Variants in AAK1 observed in about 807,000 individuals in gnomAD.
AAK1 encodes the protein AP2-associated protein kinase 1.
In AAK1, 37 loss-of-function variants were observed where a neutral mutation model predicts 116.0. That is an observed-to-expected ratio of 0.32 (90% CI 0.25 to 0.42). The LOEUF (loss-of-function observed/expected upper bound fraction) is 0.42. Among genes scored for constraint, AAK1 ranks in the 10% least tolerant of loss-of-function variants. The pLI is 1.00. For synonymous variants in AAK1, 458 were observed against 439.9 expected (o/e 1.04, Z -0.51); for missense variants, 919 against 1,170.6 (o/e 0.79, Z 3.14).
At position 69,465,657 on chromosome 2, in the gene AAK1, T is replaced by C. The variant is rs1388332641; in HGVS notation, c.*10212A>G. On this transcript the variant is annotated 3_prime_UTR_variant, in exon 22 of 22. Transcript: ENST00000409085. ...GGATAAGGACTGGGGGCGGAATGGT[T>C]TGCCAGCCATGGGGCCTGAGACAGC... is the stretch of plus-strand genomic sequence containing the variant. 1 of 1,290,936 alleles carries C rather than the reference T, an allele frequency of 7.7e-7. No homozygotes were observed. The highest frequency in any genetic ancestry group is 1.0e-6 in the Non-Finnish European group (1 of 988,874). 80.0% of individuals were successfully genotyped at this position (1,290,936 alleles called of 1,614,324 possible). A position where few individuals can be genotyped will look rare whatever the true frequency, so the allele number is the denominator to read the frequency against.
chr2:69,556,899 C>G lies in AAK1; in HGVS notation c.243G>C (p.Glu81Asp), dbSNP rs758501384. 5.0e-6 allele frequency: 8 copies of G among 1,613,824 alleles called. No homozygotes were observed. In the Admixed American group the frequency reaches 1.3e-4, roughly 27 times the overall value. ...CTCTCTTGCACACCTGGAGATCATG[C>G]TCATTGTTGACAAACATGCGTTTCA... ...CALKRMFVNNEHDLQVCKREI... is the reference protein window; with the variant it reads ...CALKRMFVNNDHDLQVCKREI... The change falls in exon 3 of 22, where the codon GAG (glutamate) becomes GAC (aspartate). Residue 81 changes from glutamate (E) to aspartate (D), a missense_variant. Physicochemically the swap from Glu to Asp is conservative, Grantham distance 45. This residue lies in a region of AAK1 where 317 missense variants were observed against 490.4 expected (regional missense o/e 0.65). Coordinates refer to ENST00000409085, the MANE Select transcript of AAK1 (RefSeq NM_014911.5).
At chr2:69,591,467 C>G (rs1208745276) in intron 2 of AAK1, among the ~76,000 whole-genome samples, 1 of 151,206 alleles carries the variant, frequency 6.6e-6, no homozygotes, top group Non-Finnish European at 1.5e-5. Flanking sequence ...TCACTTTATT[C>G]TAGAGCCAAC....
At chr2:69,618,474 C>T (rs1674438785) in intron 2 of AAK1, among the ~76,000 whole-genome samples, 1 of 152,148 alleles carries the variant, frequency 6.6e-6, no homozygotes, top group African/African-American at 2.4e-5. Flanking sequence ...CCTCTGATGC[C>T]ATATTTTCCT....
At chr2:69,507,707 ATTTT>A (rs5831976) in intron 14 of AAK1, 129 bp from the exon 15 acceptor site, 832 of 661,694 alleles carry the variant, frequency 1.3e-3, no homozygotes, top group South Asian at 2.0e-3. Flanking sequence ...CCACCACAGT[ATTTT>A]TTTTTTTTTT....
Position 69,466,171 on chromosome 2 carries a change from A to G in AAK1, c.*9698T>C, listed in dbSNP as rs2104860199. ...GTGGCTGGCTGTGTGAAGGCTTGAA[A>G]CTGGTTCTTTCTTCCACCTTGCACT... On this transcript the variant is annotated 3_prime_UTR_variant, in exon 22 of 22. Coordinates refer to ENST00000409085, the MANE Select transcript of AAK1 (RefSeq NM_014911.5). 7.8e-7 allele frequency: 1 copy of G among 1,289,854 alleles called. No individual in the cohort carries two copies. The allele number at this position is 1,289,854 out of a possible 1,614,324, so 79.9% of individuals were successfully genotyped here. A position where few individuals can be genotyped will look rare whatever the true frequency, so the allele number is the denominator to read the frequency against.
At chr2:69,553,862 G>A (rs1443248352) in intron 3 of AAK1, among the ~76,000 whole-genome samples, 1 of 151,536 alleles carries the variant, frequency 6.6e-6, no homozygotes, top group Admixed American at 6.6e-5. Flanking sequence ...GATCACTTGA[G>A]CTCAAGAGTG....
intron 2 of AAK1, chr2:69,598,210 A>G (rs756991165): frequency 4.3e-5 from 29 of 675,038 alleles, no homozygotes; most frequent in Non-Finnish European, 6.1e-5. Flanking sequence ...TCGATATTTG[A>G]AATTTAGTAA....
At chr2:69,514,215 G>A (rs1010582144) in intron 13 of AAK1, among the ~76,000 whole-genome samples, 3 of 152,170 alleles carry the variant, frequency 2.0e-5, no homozygotes, top group African/African-American at 7.2e-5. Flanking sequence ...CTTCCTGCTA[G>A]CCTAGTTTCA....
In AAK1 at chr2:69,537,763, C is replaced by T. The variant is rs115765276; in HGVS notation, c.534+4760G>A. Among the ~76,000 whole-genome samples the T allele has an allele frequency of 7.4e-3, 1,123 of 152,280 alleles. 14 individuals carry two copies. The highest frequency in any genetic ancestry group is 0.026 in the African/African-American group (1,071 of 41,550). On this transcript the variant is annotated intron_variant, in intron 5 of 21. Coordinates refer to ENST00000409085, the MANE Select transcript of AAK1 (RefSeq NM_014911.5). ...CGCAGACAACTGTAACTGCCCAGCG[C>T]GGACATACTAGCAGACAGCAATAAA...
chr2:69,592,366 T>C (rs1182010030), intron 2 of AAK1, among the ~76,000 whole-genome samples: 1 of 152,178 alleles, frequency 6.6e-6, no homozygotes, highest in Non-Finnish European at 1.5e-5. Context: ...CAAGGGGTGC[T>C]GCTGGCATCA....
chr2:69,605,439 T>C (rs952471113), intron 2 of AAK1, among the ~76,000 whole-genome samples: 1 of 152,220 alleles, frequency 6.6e-6, no homozygotes, highest in African/African-American at 2.4e-5. Flanking sequence ...TTTCTAACTT[T>C]TTATTTTGAA....
At chr2:69,606,530 T>C (rs78722243) in intron 2 of AAK1, among the ~76,000 whole-genome samples, 1,574 of 152,318 alleles carry the variant, frequency 0.01, 21 homozygotes, top group African/African-American at 0.034. Flanking sequence ...TGTAGGTCAC[T>C]TGAAAACATT....
chr2:69,618,774 C>T (rs1048265145), intron 2 of AAK1, among the ~76,000 whole-genome samples: 16 of 152,152 alleles, frequency 1.1e-4, no homozygotes, highest in Non-Finnish European at 1.8e-4. Flanking sequence ...GATTTCTTCA[C>T]GACACTGACC....
rs995026035 is a variant in AAK1, at chr2:69,468,028, C to T, written c.*7841G>A. The T allele has an allele frequency of 1.0e-5, 10 of 985,230 alleles. No homozygotes were observed. The highest frequency in any genetic ancestry group is 1.1e-4 in the East Asian group (1 of 8,830). 61.0% of individuals were successfully genotyped at this position (985,230 alleles called of 1,614,324 possible). On this transcript the variant is annotated 3_prime_UTR_variant, in exon 22 of 22. Transcript: ENST00000409085. ...ATTTTCCTTTCTAACAGTTTGAATG[C>T]GTTCAGTGAATTCCAGATTGGGGCG...
chr2:69,581,797 C>T (rs115603764), intron 2 of AAK1, among the ~76,000 whole-genome samples: 2,843 of 151,946 alleles, frequency 0.019, 98 homozygotes, highest in African/African-American at 0.064. Context: ...GGCAACACAG[C>T]GAGACCCAGT....
At chr2:69,533,381 C>T (rs1183704556) in intron 5 of AAK1, among the ~76,000 whole-genome samples, 4 of 152,104 alleles carry the variant, frequency 2.6e-5, no homozygotes, top group East Asian at 1.9e-4. Context: ...ATATCCAGGC[C>T]GTACTACTGT....
At chr2:69,521,275 T>C (rs192522941) in intron 10 of AAK1, among the ~76,000 whole-genome samples, 26 of 152,356 alleles carry the variant, frequency 1.7e-4, no homozygotes, top group Admixed American at 3.3e-4. Context: ...AAAAGAATGC[T>C]ATATAGTATT....
chr2:69,514,096 A>G (rs1396120609), intron 13 of AAK1, among the ~76,000 whole-genome samples: 1 of 152,188 alleles, frequency 6.6e-6, no homozygotes, highest in African/African-American at 2.4e-5. Flanking sequence ...AGGGCCTGGA[A>G]AGGGCACAAT....
Position 69,469,546 on chromosome 2 carries a change from C to G in AAK1, c.*6323G>C, listed in dbSNP as rs1674605707. On this transcript the variant is annotated 3_prime_UTR_variant, in exon 22 of 22. Coordinates refer to ENST00000409085, the MANE Select transcript of AAK1 (RefSeq NM_014911.5). Reference sequence around the variant, plus strand: ...GGATTTATACTAACCTAACCACATGCCTTGACCCAGTTCCTTTGGTAACCA... The same window carrying G: ...GGATTTATACTAACCTAACCACATGGCTTGACCCAGTTCCTTTGGTAACCA... 1.0e-6 allele frequency: 1 copy of G among 985,292 alleles called. No individual in the cohort carries two copies. The highest frequency in any genetic ancestry group is 1.1e-4 in the East Asian group (1 of 8,828). 61.0% of individuals were successfully genotyped at this position (985,292 alleles called of 1,614,324 possible). A position where few individuals can be genotyped will look rare whatever the true frequency, so the allele number is the denominator to read the frequency against.
Sources: gnomAD v4.1 joint callset for allele counts (sites outside exome capture counted in the v4.1 genomes callset) on GRCh38, gnomAD v4.1.1 for gene constraint, gnomAD v4.1.1 regional missense constraint, MANE v1.5 for transcripts, NCBI Gene and HGNC (gene_info 2026-07-23, HGNC 2026-07-21) for gene names.